Variants in CPED1 observed in about 807,000 individuals in gnomAD.
CPED1 encodes the protein cadherin like and PC-esterase domain containing 1.
A neutral mutation model predicts 128.2 loss-of-function variants in CPED1; 114 were observed. The observed-to-expected ratio is 0.89, with a 90% confidence interval of 0.76 to 1.04. CPED1 has a LOEUF of 1.04. CPED1 is among the 50% of genes least tolerant of loss of function. The pLI is 0.00. For missense variants in CPED1, 1,211 were observed against 1,207.1 expected, an observed-to-expected ratio of 1.00 and a Z score of -0.05; for synonymous variants, 462 against 426.7, an observed-to-expected ratio of 1.08 and a Z score of -1.02.
At chr7:121,218,074 T>A (rs891370743) in intron 16 of CPED1, among the ~76,000 whole-genome samples, 1 of 151,154 alleles carries the variant, frequency 6.6e-6, no homozygotes, top group African/African-American at 2.4e-5. Flanking sequence ...AACCTCTGCC[T>A]CCCTGGTTCA....
intron 5 of CPED1, among the ~76,000 whole-genome samples, chr7:121,073,500 T>C (rs1403163279): frequency 6.6e-6 from 1 of 152,198 alleles, no homozygotes; most frequent in Admixed American, 6.5e-5. Flanking sequence ...TGTTTCTACA[T>C]AACACCAGTC....
intron 14 of CPED1, among the ~76,000 whole-genome samples, chr7:121,140,423 C>T (rs1795874764): frequency 6.6e-6 from 1 of 151,956 alleles, no homozygotes; most frequent in Non-Finnish European, 1.5e-5. Flanking sequence ...TTTCCTCATT[C>T]CTTGCGGGTC....
chr7:121,011,809 A>C (rs1792168462), intron 2 of CPED1, among the ~76,000 whole-genome samples: 1 of 152,218 alleles, frequency 6.6e-6, no homozygotes, highest in South Asian at 2.1e-4. Flanking sequence ...ATGGAATCAT[A>C]CACATTATTG....
At chr7:121,068,856 T>C (rs1244684842) in intron 5 of CPED1, among the ~76,000 whole-genome samples, 3 of 152,142 alleles carry the variant, frequency 2.0e-5, no homozygotes, top group Non-Finnish European at 4.4e-5. Context: ...GATTCCTAGG[T>C]ATTGTATTCT....
intron 16 of CPED1, among the ~76,000 whole-genome samples, chr7:121,187,357 CA>C (rs1182740502): frequency 2.0e-5 from 3 of 151,960 alleles, no homozygotes; most frequent in Non-Finnish European, 2.9e-5. Context: ...ACTGCTGTTT[CA>C]AAGGTTTGTG....
intron 18 of CPED1, chr7:121,261,607 A>G: frequency 1.9e-6 from 3 of 1,604,656 alleles, no homozygotes. Context: ...AGAAAACCTG[A>G]CAGCTTCTTT....
At chr7:121,171,787 C>G (rs907639008) in intron 16 of CPED1, among the ~76,000 whole-genome samples, 3 of 152,158 alleles carry the variant, frequency 2.0e-5, no homozygotes, top group African/African-American at 7.2e-5. Flanking sequence ...GTTTTGAAAT[C>G]TAACAATGCC....
At chr7:121,039,646 T>G (rs1236333586) in intron 3 of CPED1, among the ~76,000 whole-genome samples, 1 of 151,988 alleles carries the variant, frequency 6.6e-6, no homozygotes, top group Admixed American at 6.6e-5. Flanking sequence ...GCAGTAAAAA[T>G]GTAAGCACGC....
At chr7:121,121,868 C>T (rs979767604) in intron 7 of CPED1, among the ~76,000 whole-genome samples, 3 of 152,160 alleles carry the variant, frequency 2.0e-5, no homozygotes, top group Admixed American at 1.3e-4. Flanking sequence ...CTGAGACTCA[C>T]AGAACTCATG....
chr7:121,001,140 G>A (rs1439871594), intron 2 of CPED1, among the ~76,000 whole-genome samples: 1 of 152,088 alleles, frequency 6.6e-6, no homozygotes, highest in Non-Finnish European at 1.5e-5. Context: ...TCAGGTAAAT[G>A]TTTGAAGCTA....
At chr7:121,193,515 T>C (rs1797194221) in intron 16 of CPED1, among the ~76,000 whole-genome samples, 1 of 152,150 alleles carries the variant, frequency 6.6e-6, no homozygotes, top group African/African-American at 2.4e-5. Flanking sequence ...ATTCAATTTC[T>C]TCTTTAATTG....
At chr7:121,169,007 C>T (rs1796594755) in intron 16 of CPED1, among the ~76,000 whole-genome samples, 1 of 152,080 alleles carries the variant, frequency 6.6e-6, no homozygotes, top group South Asian at 2.1e-4. Context: ...TAACAGGAAC[C>T]TAATATTCAA....
intron 2 of CPED1, among the ~76,000 whole-genome samples, chr7:120,995,289 A>T (rs1796378438): frequency 6.6e-6 from 1 of 152,112 alleles, no homozygotes; most frequent in Non-Finnish European, 1.5e-5. Flanking sequence ...TTCAGTCTAC[A>T]TCCTTCTTCT....
At chr7:121,058,614 G>T (rs1793564732) in intron 4 of CPED1, among the ~76,000 whole-genome samples, 1 of 152,176 alleles carries the variant, frequency 6.6e-6, no homozygotes, top group Non-Finnish European at 1.5e-5. Flanking sequence ...CGACCAAGAT[G>T]CAAACTCAGG....
intron 5 of CPED1, among the ~76,000 whole-genome samples, chr7:121,085,185 G>A (rs1794391181): frequency 6.6e-6 from 1 of 152,174 alleles, no homozygotes; most frequent in South Asian, 2.1e-4. Context: ...TGTGGCATCG[G>A]TCCTGCTGCT....
At chr7:121,279,311 G>T (rs1240694056) in intron 22 of CPED1, among the ~76,000 whole-genome samples, 2 of 151,528 alleles carry the variant, frequency 1.3e-5, no homozygotes, top group Non-Finnish European at 2.9e-5. Flanking sequence ...GAGAAAATTG[G>T]CATAAGGATA....
intron 7 of CPED1, among the ~76,000 whole-genome samples, chr7:121,116,941 ACT>A (rs200040453): frequency 0.4 from 51,726 of 129,098 alleles, 9,911 homozygotes; most frequent in Admixed American, 0.52. Flanking sequence ...CAACATAGAA[ACT>A]CTCTCTCTCT....
chr7:121,289,806 T>C (rs138807861), intron 22 of CPED1, among the ~76,000 whole-genome samples: 127 of 152,274 alleles, frequency 8.3e-4, no homozygotes, highest in African/African-American at 2.9e-3. Context: ...TCTTTTATTA[T>C]TTTATTTATT....
At chr7:121,131,946 C>A (rs1007722534) in intron 12 of CPED1, among the ~76,000 whole-genome samples, 15 of 145,788 alleles carry the variant, frequency 1.0e-4, no homozygotes, top group Non-Finnish European at 1.7e-4. Flanking sequence ...ATTTTAGCTT[C>A]TATAGTGGGG....
Sources: gnomAD v4.1 joint callset for allele counts (sites outside exome capture counted in the v4.1 genomes callset) on GRCh38, gnomAD v4.1.1 for gene constraint, MANE v1.5 for transcripts, NCBI Gene and HGNC (gene_info 2026-07-23, HGNC 2026-07-21) for gene names.